COL22A1: variants seen among roughly 807,000 people sequenced by gnomAD.
COL22A1 encodes collagen alpha-1(XXII) chain.
A neutral mutation model predicts 248.9 loss-of-function variants in COL22A1; 221 were observed. That is an observed-to-expected ratio of 0.89 (90% CI 0.80 to 0.99). COL22A1 has a LOEUF of 0.99. COL22A1 is among the 50% of genes least tolerant of loss of function. The pLI is 0.00. For missense variants in COL22A1, 2,240 were observed against 2,179.0 expected (o/e 1.03, Z -0.56); for synonymous variants, 891 against 793.4 (o/e 1.12, Z -2.07).
intron 7 of COL22A1, among the ~76,000 whole-genome samples, chr8:138,816,717 C>T (rs1045787578): frequency 4.6e-5 from 7 of 152,214 alleles, no homozygotes; most frequent in Admixed American, 1.3e-4. Flanking sequence ...TCCATGACAG[C>T]ACAGTGTCAG....
At chr8:138,765,759 C>A (rs11166842) in intron 16 of COL22A1, among the ~76,000 whole-genome samples, 115,489 of 152,144 alleles carry the variant, frequency 0.76, 44,997 homozygotes, top group East Asian at 0.99. Context: ...GAGGCAGGAC[C>A]CAGCTCAGCT....
intron 41 of COL22A1, among the ~76,000 whole-genome samples, chr8:138,676,222 C>G (rs750935365): frequency 7.3e-5 from 11 of 151,558 alleles, no homozygotes; most frequent in African/African-American, 2.4e-5. Flanking sequence ...CAGTGAAACC[C>G]CATCTCTACT....
chr8:138,756,646 A>G (rs1833027552), intron 18 of COL22A1, among the ~76,000 whole-genome samples: 1 of 152,200 alleles, frequency 6.6e-6, no homozygotes, highest in Non-Finnish European at 1.5e-5. Context: ...AAGCTAGTAA[A>G]TGAATAAATG....
At chr8:138,601,228 G>A (rs1189312633) in intron 60 of COL22A1, among the ~76,000 whole-genome samples, 2 of 151,844 alleles carry the variant, frequency 1.3e-5, no homozygotes, top group South Asian at 2.1e-4. Context: ...TGGCTCCATC[G>A]CTCAGGAACC....
intron 25 of COL22A1, among the ~76,000 whole-genome samples, chr8:138,723,155 T>C (rs916636685): frequency 6.6e-6 from 1 of 152,196 alleles, no homozygotes; most frequent in Non-Finnish European, 1.5e-5. Context: ...TCTGTGCTAT[T>C]GCTTTCAGAG....
At chr8:138,886,788 A>G (rs1438392903) in intron 1 of COL22A1, among the ~76,000 whole-genome samples, 1 of 152,206 alleles carries the variant, frequency 6.6e-6, no homozygotes, top group Non-Finnish European at 1.5e-5. Flanking sequence ...GTACACCATG[A>G]AGGGATTAAA....
intron 52 of COL22A1, chr8:138,620,276 A>G (rs1042490359): frequency 1.3e-5 from 2 of 152,240 alleles, no homozygotes; most frequent in Non-Finnish European, 2.9e-5. Flanking sequence ...CAGAAGGGGC[A>G]GCAAGCTGGG....
chr8:138,655,101 T>C (rs146140267), intron 45 of COL22A1, among the ~76,000 whole-genome samples: 13 of 152,362 alleles, frequency 8.5e-5, no homozygotes, highest in African/African-American at 2.4e-4. Flanking sequence ...TGTCCTATTC[T>C]ATTCCATTCC....
rs1024214800 is a variant in COL22A1, at chr8:138,913,721, C to G, written c.-175G>C. ...AGACACCAGCCCCAGGAATCCTCCT[C>G]CTGGGGGTCACCTGTCAGCCACTCG... On this transcript the variant is annotated 5_prime_UTR_variant, in exon 1 of 65. Coordinates refer to ENST00000303045, the MANE Select transcript of COL22A1 (RefSeq NM_152888.3). 6.5e-6 allele frequency: 1 copy of G among 152,918 alleles called. No homozygotes were observed. Among genetic ancestry groups the G allele is most frequent in the Non-Finnish European group, 1.5e-5 (1 of 68,674 alleles). 9.5% of individuals were successfully genotyped at this position (152,918 alleles called of 1,614,324 possible). A position where few individuals can be genotyped will look rare whatever the true frequency, so the allele number is the denominator to read the frequency against.
intron 1 of COL22A1, among the ~76,000 whole-genome samples, chr8:138,910,069 G>A (rs1425109080): frequency 6.6e-6 from 1 of 152,162 alleles, no homozygotes; most frequent in African/African-American, 2.4e-5. Context: ...AATACAAAAC[G>A]AAACTCCAGT....
chr8:138,661,069 T>TGC (rs1823910407), intron 43 of COL22A1, among the ~76,000 whole-genome samples: 1 of 105,442 alleles, frequency 9.5e-6, no homozygotes, highest in African/African-American at 3.7e-5. Flanking sequence ...CACACCCACA[T>TGC]ACACATACAT....
In COL22A1 at chr8:138,668,894, G is replaced by C. The variant is rs188693088; in HGVS notation, c.3151-5154C>G. ...GAGTTTGAGGAACCTTCACCCAGAG[G>C]GGGATAGGCGAAAAGAGGTTTAGTG... is the stretch of plus-strand genomic sequence containing the variant. On this transcript the variant is annotated intron_variant, in intron 41 of 64. Coordinates refer to ENST00000303045, the MANE Select transcript of COL22A1 (RefSeq NM_152888.3). 2.6e-5 allele frequency among the ~76,000 whole-genome samples: 4 copies of C among 152,330 alleles called. No individual in the cohort carries two copies. In the East Asian group the frequency reaches 5.8e-4, roughly 22 times the overall value.
rs190713915 is a variant in COL22A1 at position 138,822,738 on chromosome 8, G to A, written c.970-1327C>T. Among the ~76,000 whole-genome samples, 14 of 152,122 alleles carry A rather than the reference G, an allele frequency of 9.2e-5. No individual in the cohort carries two copies. In the East Asian group the frequency reaches 2.7e-3, roughly 29 times the overall value. ...TGGAATGGAGACCAGTGAGCAGGAA[G>A]AGAGAGAGTTGGAGTATTTATTCCT... On this transcript the variant is annotated intron_variant, in intron 6 of 64. Transcript: ENST00000303045.
intron 1 of COL22A1, among the ~76,000 whole-genome samples, chr8:138,895,070 AAAAG>A (rs1165916157): frequency 3.6e-5 from 5 of 137,912 alleles, no homozygotes; most frequent in African/African-American, 5.8e-5. Context: ...TAAAAAAAAA[AAAAG>A]AAAAGAAAAG....
intron 23 of COL22A1, 72 bp downstream of exon 23, chr8:138,737,452 G>T: frequency 1.8e-6 from 2 of 1,127,050 alleles, no homozygotes; most frequent in Non-Finnish European, 2.7e-6. Flanking sequence ...CCACCTGAGA[G>T]CTGCTGCCTG....
At chr8:138,648,601 T>A (rs1367126350) in intron 46 of COL22A1, among the ~76,000 whole-genome samples, 1 of 152,160 alleles carries the variant, frequency 6.6e-6, no homozygotes, top group Non-Finnish European at 1.5e-5. Flanking sequence ...TTTTCCAGTT[T>A]GATGACCCAG....
In COL22A1 at chr8:138,635,078, G is replaced by A. The variant is rs1198698167; in HGVS notation, c.3556-15C>T. 1 of 1,593,252 alleles carries A rather than the reference G, an allele frequency of 6.3e-7. No homozygotes were observed. The highest frequency in any genetic ancestry group is 1.4e-5 in the African/African-American group (1 of 73,878). On this transcript the variant is annotated splice_polypyrimidine_tract_variant and intron_variant, in intron 48 of 64. Coordinates refer to ENST00000303045, the MANE Select transcript of COL22A1 (RefSeq NM_152888.3). ...CCAGGATGACCCTAGGAAAACACAA[G>A]ATGCAATTCTTTAAAATGACTTGAA...
chr8:138,694,389 G>A lies in COL22A1; in HGVS notation c.2700+119C>T, dbSNP rs1180762992. Reference sequence around the variant, plus strand: ...CTCTGCAGCACATTGGGGCTGCTCTGCCCAGCGTCTACTCCCAAAATGCCA... The same window carrying A: ...CTCTGCAGCACATTGGGGCTGCTCTACCCAGCGTCTACTCCCAAAATGCCA... On this transcript the variant is annotated intron_variant, in intron 34 of 64. Coordinates refer to ENST00000303045, the MANE Select transcript of COL22A1 (RefSeq NM_152888.3). 5 of 1,021,318 alleles carry A rather than the reference G, an allele frequency of 4.9e-6. No homozygotes were observed. The African/African-American group carries it at 6.3e-5, about 13-fold the overall frequency. 63.3% of individuals were successfully genotyped at this position (1,021,318 alleles called of 1,614,324 possible). A position where few individuals can be genotyped will look rare whatever the true frequency, so the allele number is the denominator to read the frequency against.
At chr8:138,867,078 T>C (rs1822953598) in intron 3 of COL22A1, among the ~76,000 whole-genome samples, 1 of 152,160 alleles carries the variant, frequency 6.6e-6, no homozygotes, top group South Asian at 2.1e-4. Context: ...AAGGGCCCGA[T>C]AGTAAATAGC....
Sources: allele counts gnomAD v4.1 joint callset (sites outside exome capture counted in the v4.1 genomes callset), GRCh38; gene constraint gnomAD v4.1.1; transcripts MANE v1.5; gene names NCBI Gene and HGNC (gene_info 2026-07-23, HGNC 2026-07-21).